TAB2: variants seen among roughly 807,000 people sequenced by gnomAD.
TAB2 encodes TGF-beta-activated kinase 1 and MAP3K7-binding protein 2.
TAB2 carries 3 observed loss-of-function variants against 65.0 expected under a neutral mutation model. The observed-to-expected ratio is 0.05, with a 90% CI of 0.02 to 0.12. The LOEUF (loss-of-function observed/expected upper bound fraction) is 0.12, where lower values mean the gene tolerates loss of function less well. Among genes scored for constraint, TAB2 ranks in the 10% least tolerant of loss-of-function variants. TAB2 has a pLI of 1.00. For missense variants in TAB2, 623 were observed against 840.3 expected (o/e 0.74, Z 3.20); for synonymous variants, 298 against 285.1 (o/e 1.05, Z -0.46).
At chr6:149,339,587 T>G in intron 1 of TAB2, among the ~76,000 whole-genome samples, 1 of 21,322 alleles carries the variant, frequency 4.7e-5, no homozygotes, top group Admixed American at 5.6e-4. Flanking sequence ...TTAATCTTTT[T>G]TATTTATTTA....
intron 6 of TAB2, among the ~76,000 whole-genome samples, chr6:149,402,937 A>G (rs868313734): frequency 1.3e-5 from 2 of 152,130 alleles, no homozygotes. Flanking sequence ...GCATTTATTC[A>G]TAATTAAAAC....
intron 1 of TAB2, among the ~76,000 whole-genome samples, chr6:149,231,901 G>C (rs1777412587): frequency 6.6e-6 from 1 of 152,158 alleles, no homozygotes; most frequent in Non-Finnish European, 1.5e-5. Flanking sequence ...GGCTTTTACA[G>C]AGTATCGGAG....
intron 1 of TAB2, among the ~76,000 whole-genome samples, chr6:149,283,116 T>A (rs1290418406): frequency 4.6e-5 from 7 of 152,230 alleles, no homozygotes; most frequent in Non-Finnish European, 1.0e-4. Context: ...AGGGGTTTAG[T>A]GCGGGAGGCT....
intron 1 of TAB2, among the ~76,000 whole-genome samples, chr6:149,367,505 C>G (rs1338402104): frequency 4.6e-5 from 7 of 151,974 alleles, no homozygotes; most frequent in Admixed American, 4.6e-4. Context: ...TGGTAGATAG[C>G]CAGGGGCTTT....
intron 1 of TAB2, among the ~76,000 whole-genome samples, chr6:149,236,145 T>C (rs1777490283): frequency 6.6e-6 from 1 of 152,058 alleles, no homozygotes; most frequent in Non-Finnish European, 1.5e-5. Flanking sequence ...TGCTCACTAT[T>C]TGGGAGATGG....
At position 149,378,239 on chromosome 6, in the gene TAB2, T is replaced by C. The variant is rs1200884981; in HGVS notation, c.324T>C (p.Ser108=). The C allele has an allele frequency of 1.2e-6, 2 of 1,614,170 alleles. No homozygotes were observed. Among genetic ancestry groups the C allele is most frequent in the African/African-American group, 1.3e-5 (1 of 75,034 alleles). ...GTAGGACTCTAACGCACAGCATTAGTGATGGACAACTTCAAGGTGGCCAGT... is the reference window on the plus strand; with the variant it reads ...GTAGGACTCTAACGCACAGCATTAGCGATGGACAACTTCAAGGTGGCCAGT... ...NGSRTLTHSI[S]DGQLQGGQSN... Residue 108 remains serine (S), a synonymous_variant, in exon 3 of 7, where the codon AGT becomes AGC. Coordinates refer to ENST00000637181, the MANE Select transcript of TAB2 (RefSeq NM_001292034.3).
At chr6:149,264,025 A>C (rs191540758) in intron 1 of TAB2, among the ~76,000 whole-genome samples, 1 of 152,218 alleles carries the variant, frequency 6.6e-6, no homozygotes, top group Non-Finnish European at 1.5e-5. Context: ...GCTGAAGGCA[A>C]TGCCTATTCT....
At position 149,378,063 on chromosome 6, in the gene TAB2, A is replaced by T. The variant is rs1339240395; in HGVS notation, c.148A>T (p.Ser50Cys). Reference sequence around the variant, plus strand: ...CTGCTGTGCTGTTCTCTCTCAGGAGAGTACAAGATATCTTTATGGTGAAGG... The same window carrying T: ...CTGCTGTGCTGTTCTCTCTCAGGAGTGTACAAGATATCTTTATGGTGAAGG... ...DACCAVLSQE[S>C]TRYLYGEGDL... is the part of the protein sequence containing the mutation. Residue 50 changes from serine to cysteine, a missense_variant, in exon 3 of 7, where the codon AGT becomes TGT. By Grantham distance (112) the Ser-to-Cys change is moderately radical. Transcript: ENST00000637181. The T allele has an allele frequency of 3.1e-6, 5 of 1,614,138 alleles. No individual in the cohort carries two copies. Among genetic ancestry groups the T allele is most frequent in the Non-Finnish European group, 3.4e-6 (4 of 1,179,996 alleles).
intron 1 of TAB2, among the ~76,000 whole-genome samples, chr6:149,365,548 A>C (rs1781013262): frequency 6.6e-6 from 1 of 152,006 alleles, no homozygotes; most frequent in Non-Finnish European, 1.5e-5. Context: ...GGCTGTTTTC[A>C]AGATTTTCTT....
At position 149,399,433 on chromosome 6, in the gene TAB2, A is replaced by G. The variant is rs140810012; in HGVS notation, c.1939+249A>G. On this transcript the variant is annotated intron_variant, in intron 6 of 6. Transcript: ENST00000637181. ...AGGAAACACTATGTACTCCCAACCA[A>G]TAATAGCAAGTCTTGGTTAAAAAAC... Among the ~76,000 whole-genome samples, 1,062 of 152,290 alleles carry G rather than the reference A, an allele frequency of 7.0e-3. 10 individuals are homozygous for G. The highest frequency in any genetic ancestry group is 0.025 in the African/African-American group (1,023 of 41,560).
At chr6:149,375,248 T>G (rs1168033896) in intron 2 of TAB2, among the ~76,000 whole-genome samples, 1 of 152,192 alleles carries the variant, frequency 6.6e-6, no homozygotes, top group East Asian at 1.9e-4. Context: ...GTTTATCATA[T>G]TTCCTCTCTC....
At chr6:149,277,247 C>T (rs1395119914) in intron 1 of TAB2, among the ~76,000 whole-genome samples, 1 of 152,042 alleles carries the variant, frequency 6.6e-6, no homozygotes. Context: ...TTATTCATTG[C>T]AGTTTTGTGT....
intron 1 of TAB2, among the ~76,000 whole-genome samples, chr6:149,355,596 G>C (rs548774559): frequency 1.3e-4 from 19 of 151,546 alleles, no homozygotes; most frequent in African/African-American, 4.6e-4. Context: ...GAACCCAGGA[G>C]GTGGAGGTTG....
chr6:149,335,339 A>G (rs1779901807), intron 1 of TAB2, among the ~76,000 whole-genome samples: 1 of 150,826 alleles, frequency 6.6e-6, no homozygotes, highest in Admixed American at 6.6e-5. Context: ...TAAAAAATAT[A>G]TGTGTGTATA....
chr6:149,344,949 A>C (rs955524512), intron 1 of TAB2, among the ~76,000 whole-genome samples: 11 of 152,200 alleles, frequency 7.2e-5, no homozygotes, highest in Admixed American at 5.2e-4. Flanking sequence ...AGGCTCAGAG[A>C]AAACAGCGTG....
intron 1 of TAB2, among the ~76,000 whole-genome samples, chr6:149,365,422 G>A (rs1338776475): frequency 1.3e-5 from 2 of 152,080 alleles, no homozygotes; most frequent in African/African-American, 4.8e-5. Context: ...TGGGTTGATT[G>A]ACAGTTTGGT....
chr6:149,390,726 A>C (rs237034), intron 3 of TAB2, among the ~76,000 whole-genome samples: 54,513 of 152,064 alleles, frequency 0.36, 10,124 homozygotes, highest in East Asian at 0.6. Flanking sequence ...ACAACAACTA[A>C]GAGAGAGTTG....
intron 1 of TAB2, among the ~76,000 whole-genome samples, chr6:149,299,550 T>G (rs1461174033): frequency 6.6e-6 from 1 of 152,046 alleles, no homozygotes; most frequent in African/African-American, 2.4e-5. Flanking sequence ...CCAGCCTGAG[T>G]GACAGAGAAA....
intron 1 of TAB2, among the ~76,000 whole-genome samples, chr6:149,319,027 G>A (rs1186016545): frequency 1.3e-5 from 2 of 152,176 alleles, no homozygotes; most frequent in African/African-American, 4.8e-5. Flanking sequence ...GTTCTTGAAC[G>A]CTAAGATCGT....
Sources: allele counts gnomAD v4.1 joint callset (sites outside exome capture counted in the v4.1 genomes callset), GRCh38; gene constraint gnomAD v4.1.1; transcripts MANE v1.5; gene names NCBI Gene and HGNC (gene_info 2026-07-23, HGNC 2026-07-21).